WDPCP: variants seen among roughly 807,000 people sequenced by gnomAD.
WDPCP encodes WD repeat containing planar cell polarity effector.
In WDPCP, 71 loss-of-function variants were observed where a neutral mutation model predicts 93.1. That is an observed-to-expected ratio of 0.76 (90% CI 0.63 to 0.93). The LOEUF (loss-of-function observed/expected upper bound fraction) is 0.93, where lower values mean the gene tolerates loss of function less well. Among genes scored for constraint, WDPCP ranks in the 40% least tolerant of loss-of-function variants. The probability of loss-of-function intolerance (pLI) is 0.00; values close to 1 mark genes in which losing one functional copy is unlikely to be tolerated. For synonymous variants in WDPCP, 315 were observed against 315.0 expected (o/e 1.00, Z 0.00); for missense variants, 844 against 887.4 (o/e 0.95, Z 0.62).
At chr2:63,474,655 G>C (rs1699869553) in intron 6 of WDPCP, among the ~76,000 whole-genome samples, 1 of 152,052 alleles carries the variant, frequency 6.6e-6, no homozygotes, top group Non-Finnish European at 1.5e-5. Context: ...GAGAGGGATG[G>C]GCAACTGGGT....
intron 6 of WDPCP, among the ~76,000 whole-genome samples, chr2:63,462,095 C>A (rs1699053859): frequency 6.6e-6 from 1 of 152,178 alleles, no homozygotes; most frequent in African/African-American, 2.4e-5. Flanking sequence ...GACTTGGAAC[C>A]AACCCAAATG....
At chr2:63,632,485 C>T (rs771185854) in intron 3 of WDPCP, among the ~76,000 whole-genome samples, 7 of 151,978 alleles carry the variant, frequency 4.6e-5, no homozygotes, top group African/African-American at 7.3e-5. Context: ...ATCAGGAAAA[C>T]AATATACGAG....
At chr2:63,645,353 T>G (rs190088337) in intron 3 of WDPCP, among the ~76,000 whole-genome samples, 184 of 152,344 alleles carry the variant, frequency 1.2e-3, no homozygotes, top group African/African-American at 4.2e-3. Context: ...TACTCCATTG[T>G]GATCAGAGAA....
intron 2 of WDPCP, chr2:63,717,721 A>G (rs970690581): frequency 4.4e-6 from 2 of 451,202 alleles, no homozygotes; most frequent in East Asian, 1.2e-4. Context: ...GTTGATGCCC[A>G]CAGTTGGGTG....
At chr2:63,560,679 G>T (rs898641593) in intron 1 of WDPCP, among the ~76,000 whole-genome samples, 1 of 152,116 alleles carries the variant, frequency 6.6e-6, no homozygotes, top group Non-Finnish European at 1.5e-5. Context: ...TATGTCCTTT[G>T]CAGGGACATA....
In WDPCP at chr2:63,653,094, G is replaced by A. The variant is rs12233172; in HGVS notation, n.309-2256C>T. 1.3e-3 allele frequency among the ~76,000 whole-genome samples: 203 copies of A among 152,308 alleles called. 1 individual carries two copies. Among genetic ancestry groups the A allele is most frequent in the East Asian group, 0.013 (65 of 5,192 alleles). On this transcript the variant is annotated intron_variant and non_coding_transcript_variant, in intron 2 of 4. Transcript: ENST00000467687. ...CAATTTCCTGGCAGTAGCTCAGGAA[G>A]AGGGAACCCAAACAGAGCCTGGTGG... is the stretch of plus-strand genomic sequence containing the variant.
At chr2:63,817,093 T>G (rs1670942808) in intron 1 of WDPCP, among the ~76,000 whole-genome samples, 2 of 151,236 alleles carry the variant, frequency 1.3e-5, no homozygotes. Flanking sequence ...CATCAGACAC[T>G]GCACTCAAGA....
intron 17 of WDPCP, among the ~76,000 whole-genome samples, chr2:63,152,031 T>C (rs371764272): frequency 1.3e-5 from 2 of 152,312 alleles, no homozygotes; most frequent in East Asian, 1.9e-4. Context: ...TGAGATGCGA[T>C]GTCAGAGACA....
At chr2:63,505,033 G>A (rs1701780809) in intron 1 of WDPCP, among the ~76,000 whole-genome samples, 1 of 151,696 alleles carries the variant, frequency 6.6e-6, no homozygotes, top group South Asian at 2.1e-4. Flanking sequence ...TTTCTATTTT[G>A]ACTACCCTTA....
intron 14 of WDPCP, among the ~76,000 whole-genome samples, chr2:63,194,433 T>G (rs1406419954): frequency 6.6e-6 from 1 of 152,214 alleles, no homozygotes; most frequent in African/African-American, 2.4e-5. Flanking sequence ...ATGTGATCTC[T>G]ATGGAAGTTA....
intron 10 of WDPCP, among the ~76,000 whole-genome samples, chr2:63,385,521 C>A (rs1457879885): frequency 3.3e-5 from 5 of 151,920 alleles, no homozygotes; most frequent in Admixed American, 3.3e-4. Flanking sequence ...ACAATATAAT[C>A]CAAAAACATG....
At chr2:63,373,589 A>C (rs941119462) in intron 12 of WDPCP, among the ~76,000 whole-genome samples, 2 of 151,832 alleles carry the variant, frequency 1.3e-5, no homozygotes, top group Non-Finnish European at 2.9e-5. Flanking sequence ...TTAAAAAAAA[A>C]AAAAAAACTG....
intron 17 of WDPCP, among the ~76,000 whole-genome samples, chr2:63,126,689 T>TTTTTTG (rs1669931075): frequency 6.7e-6 from 1 of 148,912 alleles, no homozygotes; most frequent in African/African-American, 2.5e-5. Flanking sequence ...TTTTTTTTTT[T>TTTTTTG]GAGATAGGGT....
intron 2 of WDPCP, among the ~76,000 whole-genome samples, chr2:63,652,669 T>G (rs1396741617): frequency 6.6e-6 from 1 of 152,234 alleles, no homozygotes; most frequent in Non-Finnish European, 1.5e-5. Context: ...TGCAGGAACC[T>G]GAGGATAAAA....
intron 6 of WDPCP, among the ~76,000 whole-genome samples, chr2:63,480,826 G>A (rs893956572): frequency 6.6e-6 from 1 of 152,064 alleles, no homozygotes; most frequent in Non-Finnish European, 1.5e-5. Context: ...ATTGGCTTAG[G>A]CAAGGATTTC....
At chr2:63,505,868 G>T (rs1277312842) in intron 1 of WDPCP, among the ~76,000 whole-genome samples, 1 of 152,060 alleles carries the variant, frequency 6.6e-6, no homozygotes, top group Non-Finnish European at 1.5e-5. Flanking sequence ...CAAAGAACTT[G>T]TTCTTGAGGA....
In WDPCP at chr2:63,433,780, G is replaced by A. The variant is rs975465324; in HGVS notation, c.790C>T (p.Leu264=). 6.2e-7 allele frequency: 1 copy of A among 1,613,656 alleles called. No individual in the cohort carries two copies. The highest frequency in any genetic ancestry group is 1.3e-5 in the African/African-American group (1 of 74,930). The change falls in exon 9 of 18, where the codon CTA becomes TTA. Residue 264 remains leucine, a synonymous_variant. Transcript: ENST00000272321. ...CCTTGAGCATAACCCAGGAGGAGTA[G>A]ATTGGCTCTGTCCTTCTCAGAAGAA... ...PISSEKDRAN[L]LLLGYAQGRL...
chr2:63,654,953 C>G (rs1452734805), intron 2 of WDPCP, among the ~76,000 whole-genome samples: 1 of 152,134 alleles, frequency 6.6e-6, no homozygotes, highest in Non-Finnish European at 1.5e-5. Flanking sequence ...CTCTCAGCTC[C>G]TCATGCCTGA....
chr2:63,306,240 A>G (rs1395476555), intron 13 of WDPCP, among the ~76,000 whole-genome samples: 1 of 152,220 alleles, frequency 6.6e-6, no homozygotes, highest in Non-Finnish European at 1.5e-5. Flanking sequence ...AAATTGAGGC[A>G]GTAATTAATA....
Sources: gnomAD v4.1 joint callset for allele counts (sites outside exome capture counted in the v4.1 genomes callset) on GRCh38, gnomAD v4.1.1 for gene constraint, MANE v1.5 for transcripts, NCBI Gene and HGNC (gene_info 2026-07-23, HGNC 2026-07-21) for gene names.